Variants in CFAP47 observed in about 807,000 individuals in gnomAD.
The protein encoded by CFAP47 is cilia and flagella associated protein 47, also known as cilia- and flagella-associated protein 47.
A neutral mutation model predicts 148.1 loss-of-function variants in CFAP47; 29 were observed. The ratio of observed to expected loss-of-function variants is 0.20; its 90% CI spans 0.15 to 0.27. The LOEUF is 0.27. CFAP47 is among the 10% of genes least tolerant of loss of function. The pLI is 1.00. For missense variants in CFAP47, 1,872 were observed against 1,697.5 expected, an observed-to-expected ratio of 1.10 and a Z score of -1.81; for synonymous variants, 664 against 577.3, an observed-to-expected ratio of 1.15 and a Z score of -2.15.
chrX:36,078,850 G>T (rs1178545096), intron 29 of CFAP47, among the ~76,000 whole-genome samples: 1 of 111,106 alleles, frequency 9.0e-6, no homozygotes, highest in African/African-American at 3.3e-5. Context: ...CTTCCTTCAG[G>T]AGCTCTTTTA....
intron 1 of CFAP47, among the ~76,000 whole-genome samples, chrX:35,925,677 G>T (rs987090910): frequency 8.9e-5 from 10 of 111,882 alleles, no homozygotes; most frequent in African/African-American, 3.2e-4. Flanking sequence ...TATTTTTTGA[G>T]ACCGAGTCTT....
rs1159664279 is a variant in CFAP47, at chrX:35,926,149, A to G, written c.382A>G (p.Thr128Ala). 3 of 1,201,483 alleles carry G rather than the reference A, an allele frequency of 2.5e-6. No individual in the cohort carries two copies. In the East Asian group the frequency reaches 8.9e-5, roughly 36 times the overall value. ...RLLISIENKT[T>A]EIPLIGLIPS... ...ACTTATTTCAATAGAAAATAAAACA[A>G]CAGAAATTCCTCTAATTGGGTATGT... The change falls in exon 2 of 64, where the codon ACA becomes GCA. Residue 128 changes from threonine to alanine, a missense_variant. Thr to Ala is a moderately conservative substitution (Grantham distance 58). Coordinates refer to ENST00000378653, the MANE Select transcript of CFAP47 (RefSeq NM_001304548.2).
chrX:36,235,992 A>G lies in CFAP47; in HGVS notation c.7073A>G (p.Tyr2358Cys), dbSNP rs1940459373. 3.9e-6 allele frequency: 2 copies of G among 515,775 alleles called. No individual in the cohort carries two copies. Among genetic ancestry groups the G allele is most frequent in the South Asian group, 5.4e-5 (2 of 37,182 alleles). The allele number at this position is 515,775 out of a possible 1,213,427, so 42.5% of individuals were successfully genotyped here. A position where few individuals can be genotyped will look rare whatever the true frequency, so the allele number is the denominator to read the frequency against. ...GTTACTATAGAAGGAGAATGGTTTT[A>G]TGGACCTGTTGATTTACATGTTGGA... is the stretch of plus-strand genomic sequence containing the variant. Reference protein sequence around the residue: ...FQVTIEGEWFYGPVDLHVGPD... With the variant: ...FQVTIEGEWFCGPVDLHVGPD... The change falls in exon 47 of 64, where the codon TAT (tyrosine) becomes TGT (cysteine). Residue 2358 changes from tyrosine (Y) to cysteine (C), a missense_variant. Tyr to Cys is a radical substitution (Grantham distance 194). Coordinates refer to ENST00000378653, the MANE Select transcript of CFAP47 (RefSeq NM_001304548.2).
Position 36,335,939 on chromosome X carries a change from G to A in CFAP47, c.8444-12190G>A, listed in dbSNP as rs186559691. Among the ~76,000 whole-genome samples the A allele has an allele frequency of 2.0e-3, 220 of 111,130 alleles. 1 individual carries two copies. Among genetic ancestry groups the A allele is most frequent in the African/African-American group, 6.5e-3 (200 of 30,572 alleles). Reference sequence around the variant, plus strand: ...CTCAACTATTTTTGTATTAGAAAACGATATCATAATGAGAAAACTGTAAAG... The same window carrying A: ...CTCAACTATTTTTGTATTAGAAAACAATATCATAATGAGAAAACTGTAAAG... On this transcript the variant is annotated intron_variant, in intron 57 of 63. Transcript: ENST00000378653.
At chrX:36,165,905 T>A (rs1446792101) in intron 39 of CFAP47, among the ~76,000 whole-genome samples, 1 of 111,287 alleles carries the variant, frequency 9.0e-6, no homozygotes, top group Admixed American at 9.6e-5. Context: ...GGACCCACCC[T>A]GAGGGCCTTA....
chrX:35,946,817 G>A (rs1233406226), intron 3 of CFAP47, among the ~76,000 whole-genome samples: 7 of 111,770 alleles, frequency 6.3e-5, no homozygotes, highest in African/African-American at 2.3e-4. Context: ...GTGATTGGCT[G>A]CTTCTATTTG....
At chrX:36,042,165 A>C (rs1346409397) in intron 25 of CFAP47, among the ~76,000 whole-genome samples, 2 of 111,386 alleles carry the variant, frequency 1.8e-5, no homozygotes, top group East Asian at 5.6e-4. Flanking sequence ...TTAATTGTTT[A>C]AGGTTCCTAT....
intron 48 of CFAP47, among the ~76,000 whole-genome samples, chrX:36,244,618 AT>A (rs1196662723): frequency 1.8e-5 from 2 of 111,816 alleles, no homozygotes; most frequent in African/African-American, 6.5e-5. Context: ...ATGCAGACAA[AT>A]TTAAAAATCT....
At chrX:36,099,417 C>T (rs998991917) in intron 31 of CFAP47, among the ~76,000 whole-genome samples, 3 of 108,729 alleles carry the variant, frequency 2.8e-5, no homozygotes, top group Admixed American at 1.0e-4. Flanking sequence ...CAGGTGCCTG[C>T]CTGTTCTTTG....
chrX:36,146,711 C>A (rs1004965709), intron 36 of CFAP47, among the ~76,000 whole-genome samples: 4 of 110,975 alleles, frequency 3.6e-5, no homozygotes, highest in African/African-American at 1.3e-4. Context: ...ACCACCAACC[C>A]TATCAATGTT....
intron 15 of CFAP47, among the ~76,000 whole-genome samples, chrX:35,982,485 T>C (rs1242965313): frequency 9.0e-6 from 1 of 111,697 alleles, no homozygotes; most frequent in East Asian, 2.8e-4. Flanking sequence ...TTGTCAATTT[T>C]CATTTTTGTT....
In CFAP47 at chrX:35,919,841, AG is replaced by A. The variant is rs1569199085; in HGVS notation, c.44del (p.Gly15ValfsTer5). 2 of 1,208,768 alleles carry A rather than the reference AG, an allele frequency of 1.7e-6. No homozygotes were observed. Among genetic ancestry groups the A allele is most frequent in the African/African-American group, 3.5e-5 (2 of 57,534 alleles). On this transcript the variant is annotated frameshift_variant, in exon 1 of 64. Transcript: ENST00000378653. LOFTEE classifies it high-confidence loss of function. The part of the protein sequence containing the change: ...KGSLTINVHR[G>X]SLAMSIQRGS... ...GTTCCCTCACCATAAACGTCCACAG[AG>A]GTTCCCTCGCCATGAGCATCCAAAG...
At chrX:36,024,493 C>T (rs1937193675) in intron 22 of CFAP47, among the ~76,000 whole-genome samples, 1 of 111,373 alleles carries the variant, frequency 9.0e-6, no homozygotes, top group African/African-American at 3.3e-5. Flanking sequence ...TGGCTCTGGG[C>T]CCAGCTCGGC....
At chrX:36,335,244 C>T (rs1442804090) in intron 57 of CFAP47, among the ~76,000 whole-genome samples, 1 of 110,955 alleles carries the variant, frequency 9.0e-6, no homozygotes, top group Admixed American at 9.7e-5. Flanking sequence ...TGGTGTCATC[C>T]TTGCTCTCAC....
At chrX:36,111,862 T>C (rs1938560741) in intron 33 of CFAP47, among the ~76,000 whole-genome samples, 1 of 112,029 alleles carries the variant, frequency 8.9e-6, no homozygotes, top group Non-Finnish European at 1.9e-5. Flanking sequence ...CAGGAATTTA[T>C]CCATGTATTC....
intron 39 of CFAP47, among the ~76,000 whole-genome samples, chrX:36,173,600 T>A (rs1397363241): frequency 1.8e-5 from 2 of 111,915 alleles, no homozygotes; most frequent in African/African-American, 6.5e-5. Context: ...TTCCATGTAG[T>A]TGAGCGGTTT....
chrX:36,218,612 CA>C (rs782791771), intron 45 of CFAP47, among the ~76,000 whole-genome samples: 1 of 111,527 alleles, frequency 9.0e-6, no homozygotes, highest in African/African-American at 3.3e-5. Context: ...ATGAAAAAGC[CA>C]AACTCTGTGA....
chrX:36,000,361 C>T lies in CFAP47; in HGVS notation c.3256C>T (p.Arg1086Cys), dbSNP rs938652041. Reference protein sequence around the residue: ...PFVIKNKGITRARVEFNLKDF... With the variant: ...PFVIKNKGITCARVEFNLKDF... ...TGTAATAAAAAACAAAGGTATAACA[C>T]GTGCCAGAGTGGAGTTTAATCTAAA... The change falls in exon 20 of 64, where the codon CGT becomes TGT. Residue 1086 changes from arginine to cysteine, a missense_variant. Coordinates refer to ENST00000378653, the MANE Select transcript of CFAP47 (RefSeq NM_001304548.2). 8.8e-5 allele frequency: 26 copies of T among 293,915 alleles called. No individual in the cohort carries two copies. Among genetic ancestry groups the T allele is most frequent in the African/African-American group, 5.8e-4 (21 of 36,151 alleles). The allele number at this position is 293,915 out of a possible 1,213,427, so 24.2% of individuals were successfully genotyped here. A position where few individuals can be genotyped will look rare whatever the true frequency, so the allele number is the denominator to read the frequency against.
chrX:36,139,003 GT>G (rs1939095132), intron 35 of CFAP47, among the ~76,000 whole-genome samples: 1 of 111,128 alleles, frequency 9.0e-6, no homozygotes, highest in South Asian at 3.7e-4. Flanking sequence ...TGAGCCTTTT[GT>G]TTGTTACTTA....
Sources: gnomAD v4.1 joint callset for allele counts (sites outside exome capture counted in the v4.1 genomes callset) on GRCh38, gnomAD v4.1.1 for gene constraint, MANE v1.5 for transcripts, NCBI Gene and HGNC (gene_info 2026-07-23, HGNC 2026-07-21) for gene names.